Variants in CD48 observed in about 807,000 individuals in gnomAD.
CD48 encodes CD48 molecule, also known as CD48 antigen.
Under a neutral mutation model 22.0 loss-of-function variants are expected in CD48, and 20 were observed. That is an observed-to-expected ratio of 0.91 (90% CI 0.64 to 1.32). The LOEUF (loss-of-function observed/expected upper bound fraction) is 1.32. Ranked by LOEUF, CD48 falls within the 40% of genes most tolerant of loss-of-function variation. The pLI, the probability that CD48 is intolerant of heterozygous loss-of-function variation, is 0.00. For synonymous variants in CD48, 110 were observed against 110.1 expected (o/e 1.00, Z 0.01); for missense variants, 307 against 286.5 (o/e 1.07, Z -0.52).
intron 2 of CD48, chr1:160,684,400 GAGTCCT>G (rs1298879219): frequency 5.0e-6 from 1 of 198,574 alleles, no homozygotes; most frequent in East Asian, 1.3e-4. Context: ...TATAATGCCT[GAGTCCT>G]TATTCCATAT....
At chr1:160,701,874 A>C (rs1009160531) in intron 1 of CD48, among the ~76,000 whole-genome samples, 1 of 152,178 alleles carries the variant, frequency 6.6e-6, no homozygotes, top group Admixed American at 6.5e-5. Context: ...ACCAGTATCT[A>C]CTAGGCCCTC....
chr1:160,701,249 A>T, intron 1 of CD48, among the ~76,000 whole-genome samples: 1 of 23,366 alleles, frequency 4.3e-5, no homozygotes, highest in Non-Finnish European at 9.8e-5. Flanking sequence ...GACGGCCCCC[A>T]TAGGTTTAAT....
chr1:160,682,992 A>C (rs1661863256), intron 2 of CD48, among the ~76,000 whole-genome samples: 1 of 152,208 alleles, frequency 6.6e-6, no homozygotes, highest in African/African-American at 2.4e-5. Context: ...ATGTGTGGAG[A>C]GGCTCTAGAA....
Position 160,681,320 on chromosome 1 carries a change from G to A in CD48, c.534C>T (p.Asn178=), listed in dbSNP as rs1661794365. 1 of 1,614,056 alleles carries A rather than the reference G, an allele frequency of 6.2e-7. No homozygotes were observed. The highest frequency in any genetic ancestry group is 8.5e-7 in the Non-Finnish European group (1 of 1,180,016). The change falls in exon 3 of 4, where the codon AAC becomes AAT. Residue 178 remains asparagine (N), a synonymous_variant. Transcript: ENST00000368046. ...DKRPFPKELQ[N]SVLETTLMPH... ...GCATAAGGGTGGTTTCAAGCACACTGTTCTGGAGCTCCTTTGGGAAGGGCC... is the reference window on the plus strand; with the variant it reads ...GCATAAGGGTGGTTTCAAGCACACTATTCTGGAGCTCCTTTGGGAAGGGCC...
Position 160,685,000 on chromosome 1 carries a change from C to A in CD48, c.272G>T (p.Ser91Ile). The A allele has an allele frequency of 6.2e-7, 1 of 1,614,184 alleles. No homozygotes were observed. The highest frequency in any genetic ancestry group is 8.5e-7 in the Non-Finnish European group (1 of 1,180,012). Reference protein sequence around the residue: ...FKGRVRLDPQSGALYISKVQK... With the variant: ...FKGRVRLDPQIGALYISKVQK... ...GACCTTAGAGATGTACAGTGCGCCA[C>A]TCTGAGGATCAAGTCTGACCCTGCC... Residue 91 changes from serine to isoleucine, a missense_variant, in exon 2 of 4, where the codon AGT becomes ATT. By Grantham distance (142) the Ser-to-Ile change is moderately radical. Transcript: ENST00000368046.
chr1:160,686,609 C>T (rs1662008560), intron 1 of CD48: 1 of 152,150 alleles, frequency 6.6e-6, no homozygotes, highest in Non-Finnish European at 1.5e-5. Flanking sequence ...TTTTCCTAAG[C>T]ATTGGCCAGC....
chr1:160,711,199 C>G (rs1054300330), intron 1 of CD48, among the ~76,000 whole-genome samples: 1 of 152,188 alleles, frequency 6.6e-6, no homozygotes, highest in African/African-American at 2.4e-5. Context: ...CCTTTCCAAG[C>G]TTTTCTTCCT....
chr1:160,679,156 T>C, intron 3 of CD48, 25 bp from the exon 4 acceptor site: 1 of 1,590,798 alleles, frequency 6.3e-7, no homozygotes, highest in South Asian at 1.1e-5. Flanking sequence ...AAACCCTATA[T>C]GCTTAGGTAT....
At chr1:160,687,400 G>GAGGCATAGAT (rs1253762721) in intron 1 of CD48, among the ~76,000 whole-genome samples, 21 of 152,182 alleles carry the variant, frequency 1.4e-4, no homozygotes, top group Non-Finnish European at 3.1e-4. Context: ...AGAGATTAAA[G>GAGGCATAGAT]TAAAGACAGG....
chr1:160,700,848 T>C (rs1384074319), intron 1 of CD48, among the ~76,000 whole-genome samples: 1 of 152,178 alleles, frequency 6.6e-6, no homozygotes, highest in African/African-American at 2.4e-5. Flanking sequence ...TTCCTAAATA[T>C]TGAACAGGAG....
At chr1:160,696,585 A>G (rs1662437291) in intron 1 of CD48, among the ~76,000 whole-genome samples, 1 of 151,778 alleles carries the variant, frequency 6.6e-6, no homozygotes, top group African/African-American at 2.4e-5. Flanking sequence ...ATATTGTACA[A>G]CATTGCACCC....
chr1:160,699,759 G>A (rs1192305890), intron 1 of CD48: 5 of 151,734 alleles, frequency 3.3e-5, no homozygotes, highest in Non-Finnish European at 7.4e-5. Flanking sequence ...CTTTGTTCAC[G>A]TGTTTGTCTG....
chr1:160,689,702 G>A (rs960711496), intron 1 of CD48, among the ~76,000 whole-genome samples: 4 of 152,162 alleles, frequency 2.6e-5, no homozygotes, highest in African/African-American at 9.7e-5. Flanking sequence ...CACCACGTCT[G>A]AAGGCAATCT....
chr1:160,693,623 C>T (rs1662305960), intron 1 of CD48, among the ~76,000 whole-genome samples: 2 of 152,294 alleles, frequency 1.3e-5, no homozygotes, highest in South Asian at 4.1e-4. Flanking sequence ...TAGAGAGCCA[C>T]CTGACTTATG....
Position 160,685,139 on chromosome 1 carries a change from T to C in CD48, c.133A>G (p.Ile45Val). 1 of 1,612,932 alleles carries C rather than the reference T, an allele frequency of 6.2e-7. No homozygotes were observed. Residue 45 changes from isoleucine (I) to valine (V), a missense_variant, in exon 2 of 4, where the codon ATC (isoleucine) becomes GTC (valine). Transcript: ENST00000368046. ...VVSGSNVTLN[I>V]SESLPENYKQ... The stretch of plus-strand genomic sequence containing the variant: ...TAGTTCTCAGGCAGGCTCTCAGAGA[T>C]GTTCAGAGTCACGTTGCTGCCGGAG...
In CD48 at chr1:160,709,635, A is replaced by T. The variant is rs371786361; in HGVS notation, c.82+2047T>A. On this transcript the variant is annotated intron_variant, in intron 1 of 3. Coordinates refer to ENST00000368046, the MANE Select transcript of CD48 (RefSeq NM_001778.4). ...CAAAGAACTGAGAAACCCAAGTCTGAGGAGAGAAGGAAGAAGAGAGCTAAG... is the reference window on the plus strand; with the variant it reads ...CAAAGAACTGAGAAACCCAAGTCTGTGGAGAGAAGGAAGAAGAGAGCTAAG... Among the ~76,000 whole-genome samples the T allele has an allele frequency of 7.2e-5, 11 of 152,310 alleles. No individual in the cohort carries two copies. The South Asian group carries it at 2.3e-3, about 32-fold the overall frequency.
intron 3 of CD48, chr1:160,680,923 C>T (rs1339453001): frequency 1.4e-6 from 2 of 1,428,878 alleles, no homozygotes; most frequent in African/African-American, 2.9e-5. Context: ...GATGTTAGGA[C>T]TATGCTTTGT....
At chr1:160,705,040 G>A (rs748088510) in intron 1 of CD48, among the ~76,000 whole-genome samples, 6 of 152,130 alleles carry the variant, frequency 3.9e-5, no homozygotes, top group Non-Finnish European at 5.9e-5. Context: ...ATATGCTGCC[G>A]CACAAAAACT....
At chr1:160,685,732 C>G (rs1661974642) in intron 1 of CD48, among the ~76,000 whole-genome samples, 1 of 152,136 alleles carries the variant, frequency 6.6e-6, no homozygotes, top group Non-Finnish European at 1.5e-5. Flanking sequence ...GGGAAAGCTT[C>G]CCCTTCACCT....
Sources: gnomAD v4.1 joint callset for allele counts (sites outside exome capture counted in the v4.1 genomes callset) on GRCh38, gnomAD v4.1.1 for gene constraint, MANE v1.5 for transcripts, NCBI Gene and HGNC (gene_info 2026-07-23, HGNC 2026-07-21) for gene names.